PHAF1: variants seen among roughly 807,000 people sequenced by gnomAD.
PHAF1 encodes the protein phagosome assembly factor 1.
PHAF1 carries 23 observed loss-of-function variants against 63.1 expected under a neutral mutation model. The observed-to-expected ratio is 0.36, with a 90% CI of 0.26 to 0.52. The LOEUF is 0.52. PHAF1 is among the 20% of genes least tolerant of loss of function. PHAF1 has a pLI of 0.93. For missense variants in PHAF1, 427 were observed against 517.2 expected, an observed-to-expected ratio of 0.83 and a Z score of 1.69; for synonymous variants, 167 against 185.0, an observed-to-expected ratio of 0.90 and a Z score of 0.79.
chr16:67,137,263 C>A (rs1166707507), intron 8 of PHAF1, among the ~76,000 whole-genome samples: 1 of 152,138 alleles, frequency 6.6e-6, no homozygotes, highest in African/African-American at 2.4e-5. Context: ...GATTTTCTAG[C>A]CAAGACAGAA....
chr16:67,119,947 G>A (rs1962907029), intron 1 of PHAF1, 165 bp from the exon 2 acceptor site: 1 of 580,250 alleles, frequency 1.7e-6, no homozygotes, highest in Admixed American at 3.2e-5. Context: ...TAACATTATT[G>A]TAGCTCTTAC....
intron 11 of PHAF1, among the ~76,000 whole-genome samples, 170 bp from the exon 12 acceptor site, chr16:67,144,664 C>T (rs1020347925): frequency 2.6e-5 from 4 of 152,174 alleles, no homozygotes; most frequent in Non-Finnish European, 4.4e-5. Context: ...CTTTTCTGTT[C>T]GACTTCCGTG....
chr16:67,137,444 A>G (rs1963652077), intron 8 of PHAF1, among the ~76,000 whole-genome samples: 1 of 151,990 alleles, frequency 6.6e-6, no homozygotes, highest in Admixed American at 6.6e-5. Context: ...TCAGCCTCCC[A>G]AGTATCTGGG....
At chr16:67,110,387 A>T (rs1407546455) in intron 1 of PHAF1, 148 bp downstream of exon 1, 2 of 856,444 alleles carry the variant, frequency 2.3e-6, no homozygotes, top group Non-Finnish European at 3.6e-6. Context: ...CAGGCACTAG[A>T]TACCCGCTCC....
At chr16:67,133,529 G>C (rs959046528) in intron 6 of PHAF1, among the ~76,000 whole-genome samples, 2 of 150,556 alleles carry the variant, frequency 1.3e-5, no homozygotes, top group Non-Finnish European at 3.0e-5. Flanking sequence ...AAAACAGGCC[G>C]GGCGCAGTGG....
At chr16:67,118,314 G>A (rs1962830052) in intron 1 of PHAF1, among the ~76,000 whole-genome samples, 4 of 136,062 alleles carry the variant, frequency 2.9e-5, no homozygotes, top group East Asian at 2.1e-4. Context: ...ATGAGCCACC[G>A]TACCCTGCCC....
At chr16:67,130,656 G>A (rs1301235508) in intron 3 of PHAF1, among the ~76,000 whole-genome samples, 1 of 152,180 alleles carries the variant, frequency 6.6e-6, no homozygotes, top group Admixed American at 6.5e-5. Context: ...GCTAAAATAA[G>A]CTATTTTCTA....
intron 1 of PHAF1, 143 bp from the exon 2 acceptor site, chr16:67,119,969 C>G (rs867893630): frequency 8.1e-6 from 5 of 616,416 alleles, no homozygotes; most frequent in African/African-American, 5.5e-5. Context: ...GCTTATTGAA[C>G]TCTTATTTAC....
At chr16:67,133,139 A>G (rs1963472207) in intron 6 of PHAF1, among the ~76,000 whole-genome samples, 1 of 152,182 alleles carries the variant, frequency 6.6e-6, no homozygotes, top group African/African-American at 2.4e-5. Context: ...CAATGGAGTG[A>G]GGTCAGGCTC....
In PHAF1 at chr16:67,146,260, T is replaced by A. The variant is rs200533946; in HGVS notation, c.1110-18T>A. On this transcript the variant is annotated intron_variant, in intron 14 of 15. Transcript: ENST00000219139. ...TGGCCTCTGTCTGCCTCTCTAATTC[T>A]GAATTCTTTGGCCTCAGGTCTTCCT... is the stretch of plus-strand genomic sequence containing the variant. The A allele has an allele frequency of 6.9e-5, 111 of 1,609,904 alleles. No homozygotes were observed. Among genetic ancestry groups the A allele is most frequent in the Non-Finnish European group, 8.6e-5 (101 of 1,176,416 alleles).
At chr16:67,123,088 CTTT>C (rs150061453) in intron 2 of PHAF1, among the ~76,000 whole-genome samples, 8 of 136,576 alleles carry the variant, frequency 5.9e-5, no homozygotes, top group Admixed American at 7.4e-5. Flanking sequence ...TGATCTGATG[CTTT>C]TTTTTTTTTT....
Position 67,140,068 on chromosome 16 carries a change from T to G in PHAF1, c.746T>G (p.Leu249Arg), listed in dbSNP as rs759890538. 6.2e-7 allele frequency: 1 copy of G among 1,614,166 alleles called. No individual in the cohort carries two copies. Among genetic ancestry groups the G allele is most frequent in the Non-Finnish European group, 8.5e-7 (1 of 1,180,006 alleles). ...VYFGDSCQDV[L>R]SMLGSPHKVF... ...TTTGGTGATTCCTGCCAAGATGTTCTTAGCATGCTTGGCTCTCCACACAAA... is the reference window on the plus strand; with the variant it reads ...TTTGGTGATTCCTGCCAAGATGTTCGTAGCATGCTTGGCTCTCCACACAAA... The change falls in exon 9 of 16, where the codon CTT becomes CGT. Residue 249 changes from leucine (L) to arginine (R), a missense_variant. Transcript: ENST00000219139.
chr16:67,134,423 A>G lies in PHAF1; in HGVS notation c.617A>G (p.Asp206Gly), dbSNP rs1963533491. 2 of 1,613,810 alleles carry G rather than the reference A, an allele frequency of 1.2e-6. No homozygotes were observed. Among genetic ancestry groups the G allele is most frequent in the East Asian group, 4.5e-5 (2 of 44,856 alleles). The part of the protein sequence containing the change: ...VYAESVDVLR[D>G]GTGPAGLRLR... Reference sequence around the variant, plus strand: ...GCTGAGAGTGTAGATGTTCTTCGAGATGGAACTGGACCTGCAGGTTTACGA... The same window carrying G: ...GCTGAGAGTGTAGATGTTCTTCGAGGTGGAACTGGACCTGCAGGTTTACGA... The change falls in exon 8 of 16, where the codon GAT (aspartate) becomes GGT (glycine). Residue 206 changes from aspartate (D) to glycine (G), a missense_variant. Physicochemically the swap from Asp to Gly is moderately conservative, Grantham distance 94 (BLOSUM62 -1). Coordinates refer to ENST00000219139, the MANE Select transcript of PHAF1 (RefSeq NM_025187.5).
chr16:67,133,806 G>T (rs1250634396), intron 6 of PHAF1, among the ~76,000 whole-genome samples: 2 of 151,464 alleles, frequency 1.3e-5, no homozygotes, highest in African/African-American at 2.4e-5. Context: ...TTAGCTGGTT[G>T]TGGTGGTGCA....
chr16:67,123,895 GA>G (rs1360207702), intron 2 of PHAF1, among the ~76,000 whole-genome samples: 1 of 152,174 alleles, frequency 6.6e-6, no homozygotes, highest in Admixed American at 6.6e-5. Flanking sequence ...TTCTTAGAGG[GA>G]AAAGATATTA....
intron 1 of PHAF1, among the ~76,000 whole-genome samples, chr16:67,117,955 ATT>A (rs558113041): frequency 1.2e-4 from 16 of 128,898 alleles, no homozygotes; most frequent in Non-Finnish European, 1.2e-4. Flanking sequence ...TGCCTGGCTG[ATT>A]TTTTTTTTTT....
At chr16:67,114,891 T>C (rs949287552) in intron 1 of PHAF1, among the ~76,000 whole-genome samples, 13 of 152,206 alleles carry the variant, frequency 8.5e-5, no homozygotes, top group Admixed American at 8.5e-4. Context: ...GACATAGATA[T>C]TGAGACCTAG....
intron 1 of PHAF1, among the ~76,000 whole-genome samples, chr16:67,112,639 C>T (rs900311300): frequency 6.6e-6 from 1 of 152,114 alleles, no homozygotes; most frequent in African/African-American, 2.4e-5. Flanking sequence ...TGTTTTGATA[C>T]CCTAACCCTG....
chr16:67,139,870 G>A (rs1385778631), intron 8 of PHAF1, 114 bp from the exon 9 acceptor site: 33 of 1,211,830 alleles, frequency 2.7e-5, no homozygotes, highest in Non-Finnish European at 3.9e-5. Context: ...ATGCAGTCTT[G>A]CCCCTTGCCA....
Sources: allele counts gnomAD v4.1 joint callset (sites outside exome capture counted in the v4.1 genomes callset), GRCh38; gene constraint gnomAD v4.1.1; transcripts MANE v1.5; gene names NCBI Gene and HGNC (gene_info 2026-07-23, HGNC 2026-07-21).